The following CDIN1 variants were observed in gnomAD, a reference collection of about 807,000 sequenced individuals.
The protein encoded by CDIN1 is CDAN1 interacting nuclease 1.
In CDIN1, 33 loss-of-function variants were observed where a neutral mutation model predicts 45.3. The observed-to-expected ratio is 0.73, with a 90% confidence interval of 0.55 to 0.97. The LOEUF (loss-of-function observed/expected upper bound fraction) is 0.97, where lower values mean the gene tolerates loss of function less well. CDIN1 is among the 50% of genes least tolerant of loss of function. CDIN1 has a pLI of 0.00. For missense variants in CDIN1, 303 were observed against 339.4 expected, an observed-to-expected ratio of 0.89 and a Z score of 0.84; for synonymous variants, 118 against 124.4, an observed-to-expected ratio of 0.95 and a Z score of 0.34.
intron 10 of CDIN1, among the ~76,000 whole-genome samples, chr15:36,743,978 C>CTT (rs34573450): frequency 2.1e-5 from 3 of 139,740 alleles, no homozygotes; most frequent in African/African-American, 5.3e-5. Flanking sequence ...CATTTTTTGT[C>CTT]TTTTTTTTTT....
chr15:36,738,311 C>G (rs2044108193), intron 10 of CDIN1, among the ~76,000 whole-genome samples: 1 of 152,138 alleles, frequency 6.6e-6, no homozygotes, highest in Non-Finnish European at 1.5e-5. Context: ...TATCTGAATT[C>G]CAGATGTCCT....
intron 1 of CDIN1, among the ~76,000 whole-genome samples, chr15:36,625,581 CT>C (rs1253192848): frequency 6.6e-6 from 1 of 152,170 alleles, no homozygotes; most frequent in East Asian, 1.9e-4. Context: ...AATTAGATTA[CT>C]TCATAAAACC....
intron 5 of CDIN1, among the ~76,000 whole-genome samples, chr15:36,662,678 A>G (rs2041062152): frequency 1.3e-5 from 2 of 152,046 alleles, no homozygotes; most frequent in African/African-American, 4.8e-5. Context: ...GATTGTCAAG[A>G]GCTATTTGAA....
chr15:36,652,082 T>C (rs2040597302), intron 3 of CDIN1, among the ~76,000 whole-genome samples: 1 of 152,208 alleles, frequency 6.6e-6, no homozygotes, highest in African/African-American at 2.4e-5. Flanking sequence ...GCTCCTTCTT[T>C]TCATGCTGAT....
intron 1 of CDIN1, among the ~76,000 whole-genome samples, chr15:36,606,267 T>C (rs2038375749): frequency 6.6e-6 from 1 of 152,138 alleles, no homozygotes; most frequent in Admixed American, 6.5e-5. Context: ...CTACCTCCCA[T>C]GTGATTTCTG....
At chr15:36,750,985 GC>G (rs1301118206) in intron 10 of CDIN1, among the ~76,000 whole-genome samples, 1 of 151,822 alleles carries the variant, frequency 6.6e-6, no homozygotes, top group Non-Finnish European at 1.5e-5. Context: ...AATGTGAACT[GC>G]CAAAACCTCC....
intron 1 of CDIN1, chr15:36,619,007 T>G: frequency 6.7e-7 from 1 of 1,490,130 alleles, no homozygotes; most frequent in East Asian, 2.3e-5. Context: ...GTGTAGCCAC[T>G]ATGGGAACTT....
At chr15:36,787,658 A>T (rs1436462643) in intron 10 of CDIN1, among the ~76,000 whole-genome samples, 1 of 152,186 alleles carries the variant, frequency 6.6e-6, no homozygotes, top group Non-Finnish European at 1.5e-5. Context: ...TATTGTGATA[A>T]TACATATACT....
chr15:36,580,531 A>G (rs572298285), intron 1 of CDIN1, among the ~76,000 whole-genome samples: 1 of 152,330 alleles, frequency 6.6e-6, no homozygotes, highest in East Asian at 1.9e-4. Context: ...AACCAGATCT[A>G]AAGTTTCTCC....
At position 36,579,783 on chromosome 15, in the gene CDIN1, C is replaced by A; in HGVS notation, c.-78C>A. 2 of 1,214,372 alleles carry A rather than the reference C, an allele frequency of 1.6e-6. No individual in the cohort carries two copies. The highest frequency in any genetic ancestry group is 2.3e-6 in the Non-Finnish European group (2 of 856,450). 75.2% of individuals were successfully genotyped at this position (1,214,372 alleles called of 1,614,324 possible). ...GGCCTGTGCCGCTTTGCCTACCCCT[C>A]ATCCCTCGGCACCAAGGCTACTTGA... On this transcript the variant is annotated 5_prime_UTR_variant, in exon 1 of 11. Transcript: ENST00000566621.
intron 1 of CDIN1, among the ~76,000 whole-genome samples, chr15:36,642,578 G>A (rs971599546): frequency 2.6e-5 from 4 of 152,148 alleles, no homozygotes; most frequent in Non-Finnish European, 5.9e-5. Context: ...AGCTAAAGAC[G>A]TTTTTCTATC....
intron 10 of CDIN1, among the ~76,000 whole-genome samples, chr15:36,728,313 C>G (rs1185350025): frequency 1.3e-5 from 2 of 152,102 alleles, no homozygotes; most frequent in African/African-American, 4.8e-5. Context: ...TCAAGGTGAC[C>G]TTACAGTGAT....
intron 10 of CDIN1, among the ~76,000 whole-genome samples, chr15:36,724,393 A>G (rs570159957): frequency 6.6e-6 from 1 of 152,344 alleles, no homozygotes; most frequent in East Asian, 1.9e-4. Context: ...TACATCAGTA[A>G]AAGTGTTGCT....
intron 5 of CDIN1, among the ~76,000 whole-genome samples, chr15:36,671,445 T>A (rs1210972268): frequency 6.6e-6 from 1 of 152,162 alleles, no homozygotes; most frequent in Non-Finnish European, 1.5e-5. Flanking sequence ...TTTCCTGTCT[T>A]ATTTTTTAAA....
At chr15:36,659,458 G>GT (rs1476930189) in intron 5 of CDIN1, among the ~76,000 whole-genome samples, 1 of 152,148 alleles carries the variant, frequency 6.6e-6, no homozygotes, top group Admixed American at 6.5e-5. Flanking sequence ...CAAGGAAAGG[G>GT]TATTTCAAGA....
intron 1 of CDIN1, among the ~76,000 whole-genome samples, chr15:36,610,498 G>T (rs1234197268): frequency 1.3e-5 from 2 of 152,134 alleles, no homozygotes; most frequent in South Asian, 2.1e-4. Context: ...TGGGAAAAAA[G>T]AATAGCTTTC....
At chr15:36,691,307 T>G (rs1411250990) in intron 5 of CDIN1, 2 of 376,158 alleles carry the variant, frequency 5.3e-6, no homozygotes, top group African/African-American at 4.3e-5. Flanking sequence ...CTGTCTTCAT[T>G]AAACTCTTCA....
At chr15:36,671,272 C>T (rs2041439427) in intron 5 of CDIN1, among the ~76,000 whole-genome samples, 1 of 152,098 alleles carries the variant, frequency 6.6e-6, no homozygotes, top group Non-Finnish European at 1.5e-5. Flanking sequence ...TTCTTTGAGT[C>T]AGCACTGGCA....
At chr15:36,785,411 C>T (rs1239942156) in intron 10 of CDIN1, among the ~76,000 whole-genome samples, 3 of 151,890 alleles carry the variant, frequency 2.0e-5, no homozygotes, top group East Asian at 3.9e-4. Context: ...AGTTGAAAAG[C>T]GGTTGGATAA....
Sources: gnomAD v4.1 joint callset for allele counts (sites outside exome capture counted in the v4.1 genomes callset) on GRCh38, gnomAD v4.1.1 for gene constraint, MANE v1.5 for transcripts, NCBI Gene and HGNC (gene_info 2026-07-23, HGNC 2026-07-21) for gene names.